The following PDE6B variants were observed in gnomAD, a reference collection of about 807,000 sequenced individuals.
The protein encoded by PDE6B is rod cGMP-specific 3',5'-cyclic phosphodiesterase subunit beta.
A neutral mutation model predicts 109.0 loss-of-function variants in PDE6B; 106 were observed. The ratio of observed to expected loss-of-function variants is 0.97; its 90% CI spans 0.83 to 1.14. The LOEUF is 1.14. Ranked by LOEUF, PDE6B falls within the 50% of genes most tolerant of loss-of-function variation. The probability of loss-of-function intolerance (pLI) is 0.00; values close to 1 mark genes in which losing one functional copy is unlikely to be tolerated. For missense variants in PDE6B, 1,193 were observed against 1,155.6 expected (o/e 1.03, Z -0.47); for synonymous variants, 490 against 471.3 (o/e 1.04, Z -0.51).
intron 11 of PDE6B, among the ~76,000 whole-genome samples, chr4:659,917 C>T (rs1159116407): frequency 6.6e-6 from 1 of 152,194 alleles, no homozygotes; most frequent in Non-Finnish European, 1.5e-5. Context: ...GGCCACGAGC[C>T]TTGTGAGTAG....
rs945508940 is a variant in PDE6B, at chr4:636,581, G to A, written c.711+612G>A. On this transcript the variant is annotated intron_variant, in intron 3 of 21. Coordinates refer to ENST00000496514, the MANE Select transcript of PDE6B (RefSeq NM_000283.4). The surrounding 1 kb of genome is among the most constrained non-coding windows in gnomAD (Gnocchi z 4.5). ...ATGGATAGTGAGTGGGCTGGGGGAG[G>A]GAGGCTCTATGTTGGGGCTGGGAAG... Among the ~76,000 whole-genome samples, 11 of 152,146 alleles carry A rather than the reference G, an allele frequency of 7.2e-5. No individual in the cohort carries two copies. The highest frequency in any genetic ancestry group is 2.7e-4 in the African/African-American group (11 of 41,434).
intron 9 of PDE6B, 57 bp from the exon 10 acceptor site, chr4:657,294 C>T (rs1393702021): frequency 3.7e-6 from 6 of 1,603,290 alleles, no homozygotes; most frequent in Non-Finnish European, 4.3e-6. Flanking sequence ...CACACAGGCA[C>T]ATGGGAGGGG....
At chr4:655,003 G>T in intron 6 of PDE6B, 115 bp downstream of exon 6, 1 of 761,914 alleles carries the variant, frequency 1.3e-6, no homozygotes, top group South Asian at 1.4e-5. Context: ...AGCAGCACCG[G>T]CCTGGCCTGG....
intron 12 of PDE6B, 41 bp downstream of exon 12, chr4:660,654 C>G: frequency 6.3e-7 from 1 of 1,591,324 alleles, no homozygotes; most frequent in Admixed American, 1.7e-5. Context: ...TCCCTGAGGC[C>G]GCCCAGGACA....
Position 625,849 on chromosome 4 carries a change from G to A in PDE6B, c.223G>A (p.Val75Met), listed in dbSNP as rs376238566. 43 of 1,612,408 alleles carry A rather than the reference G, an allele frequency of 2.7e-5. No individual in the cohort carries two copies. Among genetic ancestry groups the A allele is most frequent in the South Asian group, 1.9e-4 (17 of 90,986 alleles). The change falls in exon 1 of 22, where the codon GTG (valine) becomes ATG (methionine). Residue 75 changes from valine to methionine, a missense_variant. Val to Met is a conservative substitution (Grantham distance 21). Coordinates refer to ENST00000496514, the MANE Select transcript of PDE6B (RefSeq NM_000283.4). This position sits in a 1 kb window ranked among gnomAD's most constrained non-coding sequence, Gnocchi z 5.0. Reference sequence around the variant, plus strand: ...GCAGGAGAGCATCAACATGGAGCGCGTGGTCTTCAAGGTCCTGCGGCGCCT... The same window carrying A: ...GCAGGAGAGCATCAACATGGAGCGCATGGTCTTCAAGGTCCTGCGGCGCCT... ...DMQESINMER[V>M]VFKVLRRLCT...
chr4:646,950 T>A (rs908481582), intron 3 of PDE6B, among the ~76,000 whole-genome samples: 14 of 151,822 alleles, frequency 9.2e-5, no homozygotes, highest in African/African-American at 3.2e-4. Context: ...CGCCGCTTCC[T>A]GGGTTCCAGT....
rs201584824 is a variant in PDE6B, at chr4:635,940, C to A, written c.682C>A (p.Leu228Ile). Residue 228 changes from leucine to isoleucine, a missense_variant, in exon 3 of 22, where the codon CTC becomes ATC. Leu to Ile is a conservative substitution (Grantham distance 5, BLOSUM62 2). Coordinates refer to ENST00000496514, the MANE Select transcript of PDE6B (RefSeq NM_000283.4). Reference sequence around the variant, plus strand: ...CCTGAAGATCTATCACCTGAGCTACCTCCACAACTGCGAGACGCGCCGCGG... The same window carrying A: ...CCTGAAGATCTATCACCTGAGCTACATCCACAACTGCGAGACGCGCCGCGG... ...LYLKIYHLSY[L>I]HNCETRRGQV... 58 of 1,609,322 alleles carry A rather than the reference C, an allele frequency of 3.6e-5. No individual in the cohort carries two copies. Among genetic ancestry groups the A allele is most frequent in the Non-Finnish European group, 9.4e-6 (11 of 1,175,674 alleles).
intron 1 of PDE6B, among the ~76,000 whole-genome samples, chr4:634,100 G>C (rs1734523099): frequency 6.6e-6 from 1 of 152,042 alleles, no homozygotes; most frequent in Non-Finnish European, 1.5e-5. Flanking sequence ...GTGTGCCTGG[G>C]AGGCCAGAGG....
At chr4:664,670 GC>G (rs1160294068) in intron 17 of PDE6B, among the ~76,000 whole-genome samples, 2 of 152,156 alleles carry the variant, frequency 1.3e-5, no homozygotes, top group Non-Finnish European at 2.9e-5. Flanking sequence ...ACAAAAATTA[GC>G]CGGGCGTGGT....
intron 3 of PDE6B, chr4:653,115 T>C: frequency 1.0e-6 from 1 of 953,412 alleles, no homozygotes; most frequent in Non-Finnish European, 1.3e-6. Context: ...GTTCCCACCA[T>C]GAGCTGAGTG....
intron 1 of PDE6B, among the ~76,000 whole-genome samples, chr4:631,804 A>G (rs565568342): frequency 8.4e-4 from 122 of 144,878 alleles, no homozygotes; most frequent in Admixed American, 1.6e-3. Context: ...TGGGACCATC[A>G]AAGGGTCATG....
At chr4:637,572 G>C (rs1233535633) in intron 3 of PDE6B, among the ~76,000 whole-genome samples, 1 of 152,192 alleles carries the variant, frequency 6.6e-6, no homozygotes, top group African/African-American at 2.4e-5. Context: ...TTCCTGCCCT[G>C]GTCTTGCCAT....
chr4:653,920 C>G lies in PDE6B; in HGVS notation c.780C>G (p.Ala260=). Residue 260 remains alanine (A), a synonymous_variant, in exon 4 of 22, where the codon GCC becomes GCG. Coordinates refer to ENST00000496514, the MANE Select transcript of PDE6B (RefSeq NM_000283.4). The part of the protein sequence containing the change: ...LTDIERQFHK[A]FYTVRAYLNC... Reference sequence around the variant, plus strand: ...ACATCGAGAGGCAGTTCCACAAGGCCTTCTACACGGTGCGGGCCTACCTCA... The same window carrying G: ...ACATCGAGAGGCAGTTCCACAAGGCGTTCTACACGGTGCGGGCCTACCTCA... 1 of 1,613,910 alleles carries G rather than the reference C, an allele frequency of 6.2e-7. No individual in the cohort carries two copies. Among genetic ancestry groups the G allele is most frequent in the South Asian group, 1.1e-5 (1 of 91,080 alleles).
chr4:656,761 A>G, intron 8 of PDE6B, 113 bp from the exon 9 acceptor site: 1 of 927,258 alleles, frequency 1.1e-6, no homozygotes, highest in South Asian at 1.4e-5. Flanking sequence ...CAGGAACACG[A>G]GCCCAGCCGT....
Position 662,196 on chromosome 4 carries a change from G to T in PDE6B, c.1677G>T (p.Trp559Cys). The T allele has an allele frequency of 6.3e-7, 1 of 1,581,008 alleles. No individual in the cohort carries two copies. Among genetic ancestry groups the T allele is most frequent in the South Asian group, 1.2e-5 (1 of 86,782 alleles). ...KGYRRITYHNWRHGFNVAQTM... is the reference protein window; with the variant it reads ...KGYRRITYHNCRHGFNVAQTM... ...ACCGGAGAATCACCTACCACAACTG[G>T]CGCCACGGCTTCAACGTGGCCCAGA... The change falls in exon 13 of 22, where the codon TGG becomes TGT. Residue 559 changes from tryptophan (W) to cysteine (C), a missense_variant. Transcript: ENST00000496514. This position sits in a 1 kb window ranked among gnomAD's most constrained non-coding sequence, Gnocchi z 4.3.
Position 635,965 on chromosome 4 carries a change from GC to G in PDE6B, c.709del (p.Gln237ArgfsTer14). On this transcript the variant is annotated frameshift_variant, in exon 3 of 22. Transcript: ENST00000496514. LOFTEE classifies it high-confidence loss of function. ...SYLHNCETRR[G>X]QVLLWSANKV... ...CTCCACAACTGCGAGACGCGCCGCG[GC>G]CAGGTACCCACACGCTGAGCACAGC... is the stretch of plus-strand genomic sequence containing the variant. 1.9e-6 allele frequency: 3 copies of G among 1,590,748 alleles called. No individual in the cohort carries two copies. The highest frequency in any genetic ancestry group is 8.6e-7 in the Non-Finnish European group (1 of 1,158,832).
Position 663,616 on chromosome 4 carries a change from C to T in PDE6B, c.1921-154C>T, listed in dbSNP as rs1737397073. On this transcript the variant is annotated intron_variant, in intron 15 of 21. Coordinates refer to ENST00000496514, the MANE Select transcript of PDE6B (RefSeq NM_000283.4). This position sits in a 1 kb window ranked among gnomAD's most constrained non-coding sequence, Gnocchi z 4.0. ...GGAGAGCTGGGCACCCTGAGGAGGG[C>T]CCTGAGCAGCAGGCGGATTAGGGGT... is the stretch of plus-strand genomic sequence containing the variant. 6 of 685,780 alleles carry T rather than the reference C, an allele frequency of 8.7e-6. No individual in the cohort carries two copies. The highest frequency in any genetic ancestry group is 6.3e-5 in the Admixed American group (3 of 47,604). 42.5% of individuals were successfully genotyped at this position (685,780 alleles called of 1,614,324 possible).
Position 660,539 on chromosome 4 carries a change from C to T in PDE6B, c.1540C>T (p.Leu514=), listed in dbSNP as rs780830241. 21 of 1,613,448 alleles carry T rather than the reference C, an allele frequency of 1.3e-5. No individual in the cohort carries two copies. The African/African-American group carries it at 1.7e-4, about 13-fold the overall frequency. The part of the protein sequence containing the change: ...FHFSDLECTE[L]DLVKCGIQMY... ...CTTCTCTGACCTGGAGTGCACCGAA[C>T]TGGACCTGGTCAAATGTGGCATCCA... The change falls in exon 12 of 22, where the codon CTG becomes TTG. Residue 514 remains leucine (L), a synonymous_variant. Coordinates refer to ENST00000496514, the MANE Select transcript of PDE6B (RefSeq NM_000283.4).
Position 665,700 on chromosome 4 carries a change from A to T in PDE6B, c.2268+371A>T, listed in dbSNP as rs2109273381. 6.6e-6 allele frequency among the ~76,000 whole-genome samples: 1 copy of T among 152,302 alleles called. No homozygotes were observed. Among genetic ancestry groups the T allele is most frequent in the Admixed American group, 6.5e-5 (1 of 15,310 alleles). On this transcript the variant is annotated intron_variant, in intron 19 of 21. Transcript: ENST00000496514. This position sits in a 1 kb window ranked among gnomAD's most constrained non-coding sequence, Gnocchi z 4.0. The stretch of plus-strand genomic sequence containing the variant: ...AACGCATGGGGGGCGTCCCGGGCCC[A>T]CACAGTGGTATGATGGACAATGCCA...
Sources: allele counts gnomAD v4.1 joint callset (sites outside exome capture counted in the v4.1 genomes callset), GRCh38; gene constraint gnomAD v4.1.1; non-coding constraint Gnocchi (gnomAD v3.1); transcripts MANE v1.5; gene names NCBI Gene and HGNC (gene_info 2026-07-23, HGNC 2026-07-21).